Variants in MAPK10 observed in about 807,000 individuals in gnomAD.
The protein encoded by MAPK10 is mitogen-activated protein kinase 10.
MAPK10 carries 25 observed loss-of-function variants against 59.3 expected under a neutral mutation model. The ratio of observed to expected loss-of-function variants is 0.42; its 90% CI spans 0.31 to 0.59. The LOEUF (loss-of-function observed/expected upper bound fraction) is 0.59. Ranked by LOEUF, MAPK10 falls within the 20% of genes least tolerant of loss-of-function variation. The probability of loss-of-function intolerance (pLI) is 0.15; values close to 1 mark genes in which losing one functional copy is unlikely to be tolerated. For missense variants in MAPK10, 351 were observed against 568.9 expected (o/e 0.62, Z 3.90); for synonymous variants, 190 against 200.5 (o/e 0.95, Z 0.44).
chr4:86,259,069 G>A (rs905539984), intron 2 of MAPK10, among the ~76,000 whole-genome samples: 48 of 152,168 alleles, frequency 3.2e-4, no homozygotes, highest in Middle Eastern at 3.4e-3. Context: ...CAGGGCAACA[G>A]TCTCTCTGGG....
At chr4:86,530,766 T>C (rs988820329) in intron 1 of MAPK10, among the ~76,000 whole-genome samples, 2 of 152,174 alleles carry the variant, frequency 1.3e-5, no homozygotes, top group African/African-American at 4.8e-5. Flanking sequence ...CTCCACTACA[T>C]TGGTGACTGG....
At chr4:86,365,613 C>T (rs181456629) in intron 1 of MAPK10, among the ~76,000 whole-genome samples, 5 of 151,796 alleles carry the variant, frequency 3.3e-5, no homozygotes, top group Non-Finnish European at 5.9e-5. Flanking sequence ...CTGCAGTTTA[C>T]AATTCTTTTT....
chr4:86,330,085 G>C (rs2096118609), intron 2 of MAPK10, among the ~76,000 whole-genome samples: 1 of 152,158 alleles, frequency 6.6e-6, no homozygotes, highest in Non-Finnish European at 1.5e-5. Context: ...CCGTATCCCT[G>C]AAAATGAGAA....
At chr4:86,076,268 C>T (rs1187079726) in intron 9 of MAPK10, among the ~76,000 whole-genome samples, 1 of 152,140 alleles carries the variant, frequency 6.6e-6, no homozygotes. Flanking sequence ...ACGGTGCGCG[C>T]ACCCACTGGC....
intron 2 of MAPK10, among the ~76,000 whole-genome samples, chr4:86,316,499 T>C (rs914375028): frequency 1.3e-5 from 2 of 152,176 alleles, no homozygotes; most frequent in Non-Finnish European, 2.9e-5. Flanking sequence ...CTTCAATGTA[T>C]GTCTCTGACT....
chr4:86,567,855 T>A (rs1565053486), intron 1 of MAPK10, among the ~76,000 whole-genome samples: 1 of 152,144 alleles, frequency 6.6e-6, no homozygotes, highest in East Asian at 1.9e-4. Flanking sequence ...GAAAAAATAG[T>A]CAACATCTCC....
intron 1 of MAPK10, among the ~76,000 whole-genome samples, chr4:86,467,153 C>T (rs965951397): frequency 1.3e-5 from 2 of 152,156 alleles, no homozygotes; most frequent in Non-Finnish European, 2.9e-5. Flanking sequence ...AAATTGTTAA[C>T]CAAAAATTAT....
At chr4:86,244,317 A>G (rs912043678) in intron 2 of MAPK10, among the ~76,000 whole-genome samples, 2 of 152,240 alleles carry the variant, frequency 1.3e-5, no homozygotes, top group Non-Finnish European at 2.9e-5. Flanking sequence ...TATTCATACA[A>G]GATCATTTTT....
At position 86,101,117 on chromosome 4, in the gene MAPK10, G is replaced by A; in HGVS notation, c.665C>T (p.Pro222Leu). 1 of 1,613,898 alleles carries A rather than the reference G, an allele frequency of 6.2e-7. No homozygotes were observed. Among genetic ancestry groups the A allele is most frequent in the Non-Finnish European group, 8.5e-7 (1 of 1,179,850 alleles). Residue 222 changes from proline (P) to leucine (L), a missense_variant, in exon 8 of 14, where the codon CCA becomes CTA. By Grantham distance (98) the Pro-to-Leu change is moderately conservative (BLOSUM62 -3). Around this residue, in one of 5 missense-constraint regions of MAPK10, gnomAD observed 76 missense variants for 197.9 expected, o/e 0.38. Coordinates refer to ENST00000641462, the MANE Select transcript of MAPK10 (RefSeq NM_138982.4). The part of the protein sequence containing the change: ...RTAGTSFMMT[P>L]YVVTRYYRAP... Reference sequence around the variant, plus strand: ...TCTGTAATAACGTGTCACCACATATGGAGTCATCATGAAGCTTGTGCCTGC... The same window carrying A: ...TCTGTAATAACGTGTCACCACATATAGAGTCATCATGAAGCTTGTGCCTGC...
intron 1 of MAPK10, among the ~76,000 whole-genome samples, chr4:86,569,620 TA>T (rs1249146777): frequency 1.3e-5 from 2 of 152,102 alleles, no homozygotes; most frequent in Non-Finnish European, 2.9e-5. Flanking sequence ...TGCTCAGCTA[TA>T]AAAAGGAATA....
At chr4:86,031,540 T>C in intron 11 of MAPK10, 109 bp from the exon 12 acceptor site, 2 of 724,992 alleles carry the variant, frequency 2.8e-6, no homozygotes, top group Non-Finnish European at 4.7e-6. Flanking sequence ...ATTTCAACCG[T>C]ATATAAGTTA....
In MAPK10 at chr4:86,440,002, C is replaced by T. The variant is rs973574573; in HGVS notation, c.-122+13028G>A. ...TTTAAGGGAAATCCTCTCATCTCTC[C>T]TCAAAATGTAAAGCTGAGTGGGAAT... On this transcript the variant is annotated intron_variant, in intron 1 of 13. Transcript: ENST00000361569. 5.3e-5 allele frequency among the ~76,000 whole-genome samples: 8 copies of T among 152,202 alleles called. No individual in the cohort carries two copies. The East Asian group carries it at 5.8e-4, about 11-fold the overall frequency.
chr4:86,543,425 T>C (rs1758887586), intron 1 of MAPK10, among the ~76,000 whole-genome samples: 1 of 152,302 alleles, frequency 6.6e-6, no homozygotes, highest in African/African-American at 2.4e-5. Flanking sequence ...AAACTTCCCA[T>C]ACACCAGAGT....
chr4:86,483,099 A>G (rs1346017451), intron 1 of MAPK10, among the ~76,000 whole-genome samples: 1 of 152,202 alleles, frequency 6.6e-6, no homozygotes, highest in Non-Finnish European at 1.5e-5. Context: ...TTCCTCTTCT[A>G]CCGTCTCCCC....
chr4:86,252,033 T>C lies in MAPK10; in HGVS notation c.-6-57626A>G, dbSNP rs1167716769. ...CTTTTTGATGGGGTTGTTTTTTTCT[T>C]GTAAATTTGTTTGAGTTCATTGTAG... On this transcript the variant is annotated intron_variant, in intron 2 of 13. Coordinates refer to ENST00000641462, the MANE Select transcript of MAPK10 (RefSeq NM_138982.4). Among the ~76,000 whole-genome samples the C allele has an allele frequency of 1.3e-4, 15 of 117,766 alleles. No individual in the cohort carries two copies. The East Asian group carries it at 1.8e-3, about 14-fold the overall frequency. 77.3% of individuals were successfully genotyped at this position (117,766 alleles called of 152,430 possible).
intron 1 of MAPK10, among the ~76,000 whole-genome samples, chr4:86,505,289 C>A (rs1755654534): frequency 6.6e-6 from 1 of 152,104 alleles, no homozygotes. Flanking sequence ...CATGTACCCC[C>A]TGAATCTAAA....
chr4:86,472,442 T>C (rs1049649826), intron 1 of MAPK10, among the ~76,000 whole-genome samples: 2 of 152,092 alleles, frequency 1.3e-5, no homozygotes, highest in African/African-American at 2.4e-5. Flanking sequence ...AAGACAAAGC[T>C]GTGACCAGCC....
rs188635186 is a variant in MAPK10 at position 86,115,235 on chromosome 4, T to A, written c.237-7883A>T. On this transcript the variant is annotated intron_variant, in intron 4 of 13. Transcript: ENST00000641462. ...GATGCACAGATCCATGGAAAAAGCATGGTTTCCCAGGCGGGGCAGCGCAGT... is the reference window on the plus strand; with the variant it reads ...GATGCACAGATCCATGGAAAAAGCAAGGTTTCCCAGGCGGGGCAGCGCAGT... 2.0e-5 allele frequency among the ~76,000 whole-genome samples: 3 copies of A among 152,266 alleles called. No individual in the cohort carries two copies. The East Asian group carries it at 5.8e-4, about 30-fold the overall frequency.
At chr4:86,185,155 T>C (rs780336777) in intron 3 of MAPK10, among the ~76,000 whole-genome samples, 8 of 152,170 alleles carry the variant, frequency 5.3e-5, no homozygotes, top group Non-Finnish European at 1.0e-4. Context: ...CTGTGTGAAC[T>C]GGCCCCAGCA....
Sources: allele counts gnomAD v4.1 joint callset (sites outside exome capture counted in the v4.1 genomes callset), GRCh38; gene constraint gnomAD v4.1.1; regional missense constraint gnomAD v4.1.1; transcripts MANE v1.5; gene names NCBI Gene and HGNC (gene_info 2026-07-23, HGNC 2026-07-21).